MYL12A: variants seen among roughly 807,000 people sequenced by gnomAD.
MYL12A encodes the protein myosin regulatory light chain 12A.
Under a neutral mutation model 13.3 loss-of-function variants are expected in MYL12A, and 11 were observed. That is an observed-to-expected ratio of 0.83 (90% CI 0.52 to 1.37). MYL12A has a LOEUF of 1.37. MYL12A is among the 40% of genes most tolerant of loss of function. The pLI is 0.00. For missense variants in MYL12A, 146 were observed against 212.3 expected, an observed-to-expected ratio of 0.69 and a Z score of 1.94; for synonymous variants, 51 against 69.9, an observed-to-expected ratio of 0.73 and a Z score of 1.35.
At chr18:3,255,599 G>A in intron 3 of MYL12A, 147 bp from the exon 4 acceptor site, 3 of 1,019,468 alleles carry the variant, frequency 2.9e-6, no homozygotes, top group Non-Finnish European at 4.1e-6. Flanking sequence ...TGCTGAGGCT[G>A]TTTTAAGTAG....
At position 3,256,031 on chromosome 18, in the gene MYL12A, C is replaced by A; in HGVS notation, c.*113C>A. On this transcript the variant is annotated 3_prime_UTR_variant, in exon 4 of 4. Transcript: ENST00000217652. ...TTGCATTTCCTGTTGTATTTATTCT[C>A]AGCCATTTTGGGCATATGTATCTTT... 1 of 1,388,400 alleles carries A rather than the reference C, an allele frequency of 7.2e-7. No homozygotes were observed. The highest frequency in any genetic ancestry group is 1.3e-5 in the South Asian group (1 of 74,788). The allele number at this position is 1,388,400 out of a possible 1,614,324, so 86.0% of individuals were successfully genotyped here.
intron 1 of MYL12A, chr18:3,249,471 A>T (rs1465010286): frequency 6.6e-6 from 1 of 152,234 alleles, no homozygotes; most frequent in Non-Finnish European, 1.5e-5. Flanking sequence ...CTGTAAACTC[A>T]GTCTCCTAAC....
intron 1 of MYL12A, among the ~76,000 whole-genome samples, chr18:3,250,579 C>A (rs1364956265): frequency 6.6e-6 from 1 of 152,202 alleles, no homozygotes; most frequent in Non-Finnish European, 1.5e-5. Context: ...ACTCATAGAT[C>A]AGAATCCAGC....
In MYL12A at chr18:3,256,234, A is replaced by G; in HGVS notation, c.*316A>G. On this transcript the variant is annotated 3_prime_UTR_variant, in exon 4 of 4. Transcript: ENST00000217652. The stretch of plus-strand genomic sequence containing the variant: ...AATCATAATTAAACTTTATGATAAA[A>G]TACTTACTTGTTTAAACTTCTTATT... 1 of 239,722 alleles carries G rather than the reference A, an allele frequency of 4.2e-6. No homozygotes were observed. The highest frequency in any genetic ancestry group is 8.0e-6 in the Non-Finnish European group (1 of 125,212). 14.8% of individuals were successfully genotyped at this position (239,722 alleles called of 1,614,324 possible).
intron 3 of MYL12A, among the ~76,000 whole-genome samples, chr18:3,254,754 T>C (rs2081520437): frequency 6.6e-6 from 1 of 152,228 alleles, no homozygotes; most frequent in Non-Finnish European, 1.5e-5. Flanking sequence ...CAGAAGTGTA[T>C]GTAAGAGAAA....
chr18:3,251,303 C>T lies in MYL12A; in HGVS notation c.-15-1930C>T, dbSNP rs550265644. On this transcript the variant is annotated intron_variant, in intron 1 of 3. Transcript: ENST00000217652. ...TTTGAAAATGTATCTAGAGGACCCT[C>T]GTAAATTTAGTTATATGAGATTTTA... 7.9e-5 allele frequency among the ~76,000 whole-genome samples: 12 copies of T among 151,482 alleles called. 2 individuals are homozygous for T. The highest frequency in any genetic ancestry group is 2.4e-4 in the African/African-American group (10 of 41,258).
chr18:3,255,955 C>A lies in MYL12A; in HGVS notation c.*37C>A. 1 of 1,603,730 alleles carries A rather than the reference C, an allele frequency of 6.2e-7. No homozygotes were observed. The highest frequency in any genetic ancestry group is 1.1e-5 in the South Asian group (1 of 89,526). ...ATTCCAGCCAAACGTTCCTTGTTGC[C>A]ACTTTGGGTATTCTGAGATTTTCTC... On this transcript the variant is annotated 3_prime_UTR_variant, in exon 4 of 4. Coordinates refer to ENST00000217652, the MANE Select transcript of MYL12A (RefSeq NM_006471.4).
chr18:3,253,136 GTT>G, intron 1 of MYL12A, 95 bp from the exon 2 acceptor site: 2 of 1,333,534 alleles, frequency 1.5e-6, no homozygotes, highest in Non-Finnish European at 2.1e-6. Context: ...TATCAGGAAA[GTT>G]GGTTCTGTGT....
At chr18:3,250,080 G>T (rs895878882) in intron 1 of MYL12A, among the ~76,000 whole-genome samples, 2 of 144,434 alleles carry the variant, frequency 1.4e-5, no homozygotes, top group Non-Finnish European at 3.0e-5. Context: ...GCAATTTCAG[G>T]GGGGAGGGGG....
At position 3,256,211 on chromosome 18, in the gene MYL12A, T is replaced by A; in HGVS notation, c.*293T>A. 3.3e-6 allele frequency: 1 copy of A among 298,814 alleles called. No homozygotes were observed. Among genetic ancestry groups the A allele is most frequent in the Non-Finnish European group, 6.1e-6 (1 of 162,886 alleles). The allele number at this position is 298,814 out of a possible 1,614,324, so 18.5% of individuals were successfully genotyped here. ...AGTTATTCGCTCGATTTTTTCTGAA[T>A]CATAATTAAACTTTATGATAAAATA... On this transcript the variant is annotated 3_prime_UTR_variant, in exon 4 of 4. Coordinates refer to ENST00000217652, the MANE Select transcript of MYL12A (RefSeq NM_006471.4).
At chr18:3,249,367 A>G (rs556804058) in intron 1 of MYL12A, 8 of 152,178 alleles carry the variant, frequency 5.3e-5, no homozygotes, top group Non-Finnish European at 1.2e-4. Context: ...ACAGCCCACA[A>G]TGATTCTGAG....
intron 1 of MYL12A, among the ~76,000 whole-genome samples, chr18:3,250,857 TCA>T (rs2081478055): frequency 6.6e-6 from 1 of 152,194 alleles, no homozygotes; most frequent in African/African-American, 2.4e-5. Context: ...TTCATTATTG[TCA>T]CACGTTTTAA....
At chr18:3,251,754 A>G (rs1435573324) in intron 1 of MYL12A, among the ~76,000 whole-genome samples, 2 of 152,218 alleles carry the variant, frequency 1.3e-5, no homozygotes, top group Non-Finnish European at 2.9e-5. Context: ...CAGCATCCTA[A>G]AAGTTGATTA....
Position 3,255,861 on chromosome 18 carries a change from C to G in MYL12A, c.459C>G (p.Phe153Leu), listed in dbSNP as rs1201822283. 2.5e-6 allele frequency: 4 copies of G among 1,614,046 alleles called. No individual in the cohort carries two copies. The highest frequency in any genetic ancestry group is 3.4e-6 in the Non-Finnish European group (4 of 1,179,974). Residue 153 changes from phenylalanine (F) to leucine (L), a missense_variant, in exon 4 of 4, where the codon TTC (phenylalanine) becomes TTG (leucine). Physicochemically the swap from Phe to Leu is conservative, Grantham distance 22 (BLOSUM62 0). Transcript: ENST00000217652. Reference protein sequence around the residue: ...REAPIDKKGNFNYIEFTRILK... With the variant: ...REAPIDKKGNLNYIEFTRILK... ...CACCTATTGATAAAAAGGGGAATTT[C>G]AATTACATCGAGTTCACACGCATCC...
chr18:3,256,191 TTCGC>T lies in MYL12A; in HGVS notation c.*277_*280del. The T allele has an allele frequency of 3.1e-6, 1 of 327,288 alleles. No homozygotes were observed. Among genetic ancestry groups the T allele is most frequent in the Non-Finnish European group, 5.5e-6 (1 of 181,746 alleles). 20.3% of individuals were successfully genotyped at this position (327,288 alleles called of 1,614,324 possible). A position where few individuals can be genotyped will look rare whatever the true frequency, so the allele number is the denominator to read the frequency against. On this transcript the variant is annotated 3_prime_UTR_variant, in exon 4 of 4. Coordinates refer to ENST00000217652, the MANE Select transcript of MYL12A (RefSeq NM_006471.4). The stretch of plus-strand genomic sequence containing the variant: ...CAATATATTTTTTCAGAGAAAGTTA[TTCGC>T]TCGATTTTTTCTGAATCATAATTAA...
In MYL12A at chr18:3,255,797, G is replaced by T; in HGVS notation, c.395G>T (p.Arg132Leu). The T allele has an allele frequency of 6.2e-7, 1 of 1,613,992 alleles. No homozygotes were observed. The highest frequency in any genetic ancestry group is 1.1e-5 in the South Asian group (1 of 91,030). ...GAGCTGCTGACAACCATGGGGGATC[G>T]GTTTACAGATGAGGAAGTGGATGAG... ...LRELLTTMGD[R>L]FTDEEVDELY... Residue 132 changes from arginine (R) to leucine (L), a missense_variant, in exon 4 of 4, where the codon CGG becomes CTG. Coordinates refer to ENST00000217652, the MANE Select transcript of MYL12A (RefSeq NM_006471.4).
intron 1 of MYL12A, chr18:3,252,296 C>T: frequency 6.5e-7 from 1 of 1,530,618 alleles, no homozygotes; most frequent in Admixed American, 2.0e-5. Context: ...GTTTTGCAGA[C>T]TACCATCTTC....
intron 1 of MYL12A, among the ~76,000 whole-genome samples, chr18:3,251,863 T>C (rs1791107): frequency 0.15 from 22,701 of 152,028 alleles, 1,768 homozygotes; most frequent in East Asian, 0.26. Flanking sequence ...CATACGGTGC[T>C]GTATTGGATG....
At position 3,255,801 on chromosome 18, in the gene MYL12A, T is replaced by A; in HGVS notation, c.399T>A (p.Phe133Leu). ...RELLTTMGDR[F>L]TDEEVDELYR... ...TGCTGACAACCATGGGGGATCGGTT[T>A]ACAGATGAGGAAGTGGATGAGCTGT... Residue 133 changes from phenylalanine to leucine, a missense_variant, in exon 4 of 4, where the codon TTT becomes TTA. Phe to Leu is a conservative substitution (Grantham distance 22). Coordinates refer to ENST00000217652, the MANE Select transcript of MYL12A (RefSeq NM_006471.4). 2.5e-6 allele frequency: 4 copies of A among 1,614,160 alleles called. No individual in the cohort carries two copies. The highest frequency in any genetic ancestry group is 3.4e-6 in the Non-Finnish European group (4 of 1,180,018).
Sources: gnomAD v4.1 joint callset for allele counts (sites outside exome capture counted in the v4.1 genomes callset) on GRCh38, gnomAD v4.1.1 for gene constraint, MANE v1.5 for transcripts, NCBI Gene and HGNC (gene_info 2026-07-23, HGNC 2026-07-21) for gene names.